PDE3A: variants seen among roughly 807,000 people sequenced by gnomAD.
The protein encoded by PDE3A is cGMP-inhibited 3',5'-cyclic phosphodiesterase 3A.
In PDE3A, 43 loss-of-function variants were observed where a neutral mutation model predicts 98.3. That is an observed-to-expected ratio of 0.44 (90% confidence interval 0.34 to 0.56). PDE3A has a LOEUF of 0.56. Among genes scored for constraint, PDE3A ranks in the 20% least tolerant of loss-of-function variants. PDE3A has a pLI of 0.01. For missense variants in PDE3A, 1,427 were observed against 1,440.7 expected (o/e 0.99, Z 0.15); for synonymous variants, 663 against 567.9 (o/e 1.17, Z -2.38).
chr12:20,445,710 CTGTGTTGTTTAT>C (rs1313750990), intron 1 of PDE3A, among the ~76,000 whole-genome samples: 1 of 152,140 alleles, frequency 6.6e-6, no homozygotes, highest in African/African-American at 2.4e-5. Flanking sequence ...GCCGCCCTCA[CTGTGTTGTTTAT>C]TGTTTCTTCC....
chr12:20,544,403 G>T lies in PDE3A; in HGVS notation c.961-12257G>T, dbSNP rs540478540. On this transcript the variant is annotated intron_variant, in intron 1 of 15. Transcript: ENST00000359062. ...TGATTAATTTATAGTACTTACGAAG[G>T]ATTTTCAGAGACATTACATTTTTCT... is the stretch of plus-strand genomic sequence containing the variant. Among the ~76,000 whole-genome samples the T allele has an allele frequency of 8.6e-5, 13 of 151,696 alleles. No individual in the cohort carries two copies. The South Asian group carries it at 2.7e-3, about 32-fold the overall frequency.
At chr12:20,466,080 A>G (rs1945336259) in intron 1 of PDE3A, among the ~76,000 whole-genome samples, 1 of 152,138 alleles carries the variant, frequency 6.6e-6, no homozygotes, top group Non-Finnish European at 1.5e-5. Flanking sequence ...GCACTCTTGA[A>G]AAGCATGTTC....
At chr12:20,440,926 G>GA (rs869105653) in intron 1 of PDE3A, among the ~76,000 whole-genome samples, 1 of 288 alleles carries the variant, frequency 3.5e-3, no homozygotes, top group African/African-American at 0.013. Context: ...AGTAAAAGGA[G>GA]GAGAAAACTA....
chr12:20,375,573 A>G (rs1485974087), intron 1 of PDE3A, among the ~76,000 whole-genome samples: 1 of 152,016 alleles, frequency 6.6e-6, no homozygotes, highest in Admixed American at 6.6e-5. Flanking sequence ...CTGTTTTAAA[A>G]GAAGATGCTA....
intron 1 of PDE3A, among the ~76,000 whole-genome samples, chr12:20,508,324 C>T (rs1335499711): frequency 6.6e-6 from 1 of 151,862 alleles, no homozygotes; most frequent in Non-Finnish European, 1.5e-5. Flanking sequence ...CTTTATGATA[C>T]TCTAAAGCAC....
At position 20,663,232 on chromosome 12, in the gene PDE3A, G is replaced by A. The variant is rs1480393123; in HGVS notation, c.3184+9027G>A. Among the ~76,000 whole-genome samples the A allele has an allele frequency of 3.9e-5, 6 of 152,366 alleles. No individual in the cohort carries two copies. In the East Asian group the frequency reaches 9.7e-4, roughly 25 times the overall value. On this transcript the variant is annotated intron_variant, in intron 15 of 15. Transcript: ENST00000359062. ...GTCCTGGCAGAAGTTTGCTACAGGG[G>A]TGGAGCCCTCATGGAGAACCTCTGC...
At chr12:20,431,627 A>ACACACG (rs1944700556) in intron 1 of PDE3A, among the ~76,000 whole-genome samples, 1 of 149,014 alleles carries the variant, frequency 6.7e-6, no homozygotes, top group Admixed American at 6.7e-5. Context: ...ACACACGCAC[A>ACACACG]CACACGCACG....
chr12:20,660,322 A>C (rs1392231392), intron 15 of PDE3A, among the ~76,000 whole-genome samples: 1 of 152,186 alleles, frequency 6.6e-6, no homozygotes, highest in Non-Finnish European at 1.5e-5. Context: ...TCTTTATAGC[A>C]GTGTGAAAAT....
Position 20,667,872 on chromosome 12 carries a change from C to T in PDE3A, c.3185-12158C>T, listed in dbSNP as rs905799394. Among the ~76,000 whole-genome samples the T allele has an allele frequency of 1.1e-4, 17 of 152,172 alleles. No homozygotes were observed. The East Asian group carries it at 1.4e-3, about 12-fold the overall frequency. On this transcript the variant is annotated intron_variant, in intron 15 of 15. Transcript: ENST00000359062. ...CAAGATGGCCGAACAGGAACAGCTC[C>T]GGTCTACAGCTCCCAGCGTGGTGGA...
chr12:20,552,368 T>C lies in PDE3A; in HGVS notation c.961-4292T>C. ...GGGTTTCTCGTGTGGCGCTACCTTC[T>C]GCGGAGGGACGATGATGAGCCCGGC... On this transcript the variant is annotated intron_variant, in intron 1 of 15. Transcript: ENST00000359062. The surrounding 1 kb of genome is among the most constrained non-coding windows in gnomAD (Gnocchi z 5.1). 2 of 1,613,358 alleles carry C rather than the reference T, an allele frequency of 1.2e-6. No individual in the cohort carries two copies. Among genetic ancestry groups the C allele is most frequent in the Non-Finnish European group, 1.7e-6 (2 of 1,179,776 alleles).
In PDE3A at chr12:20,368,988, A is replaced by T. The variant is rs1426789602; in HGVS notation, c.-297A>T. On this transcript the variant is annotated 5_prime_UTR_variant, in exon 1 of 16. Coordinates refer to ENST00000359062, the MANE Select transcript of PDE3A (RefSeq NM_000921.5). The stretch of plus-strand genomic sequence containing the variant: ...GGGTGGAGCAGAGAATCTGTGAAAG[A>T]TATTCAAAGAGAGAAAAGGGGAATC... Among the ~76,000 whole-genome samples the T allele has an allele frequency of 6.6e-6, 1 of 152,150 alleles. No individual in the cohort carries two copies. The highest frequency in any genetic ancestry group is 2.4e-5 in the African/African-American group (1 of 41,438).
In PDE3A at chr12:20,495,158, A is replaced by G. The variant is rs562349600; in HGVS notation, c.961-61502A>G. Among the ~76,000 whole-genome samples, 54 of 152,060 alleles carry G rather than the reference A, an allele frequency of 3.6e-4. 1 individual carries two copies. The highest frequency in any genetic ancestry group is 1.0e-3 in the African/African-American group (43 of 41,490). The stretch of plus-strand genomic sequence containing the variant: ...AGTCTGCCTGTTTGAAATGTGTTCA[A>G]TCAATGCCTGCTTGGAGTTCTGCTA... On this transcript the variant is annotated intron_variant, in intron 1 of 15. Coordinates refer to ENST00000359062, the MANE Select transcript of PDE3A (RefSeq NM_000921.5).
intron 2 of PDE3A, among the ~76,000 whole-genome samples, chr12:20,593,391 C>T (rs1229016329): frequency 6.6e-6 from 1 of 152,070 alleles, no homozygotes; most frequent in African/African-American, 2.4e-5. Flanking sequence ...TCCCTAACTT[C>T]GCGGAGCCCT....
intron 1 of PDE3A, among the ~76,000 whole-genome samples, chr12:20,494,019 C>T (rs1945873934): frequency 6.6e-6 from 1 of 152,216 alleles, no homozygotes; most frequent in Admixed American, 6.5e-5. Context: ...GGGATTCAGA[C>T]TATTTTCAGT....
At chr12:20,409,616 G>A (rs1944297619) in intron 1 of PDE3A, among the ~76,000 whole-genome samples, 1 of 152,098 alleles carries the variant, frequency 6.6e-6, no homozygotes, top group African/African-American at 2.4e-5. Context: ...ATTATAGTTG[G>A]ATATCATCAG....
At chr12:20,409,658 T>C (rs1053674704) in intron 1 of PDE3A, among the ~76,000 whole-genome samples, 1 of 152,126 alleles carries the variant, frequency 6.6e-6, no homozygotes, top group Non-Finnish European at 1.5e-5. Context: ...CTACCCCAGA[T>C]AATGATTTTT....
intron 1 of PDE3A, among the ~76,000 whole-genome samples, chr12:20,497,897 G>A (rs569464468): frequency 7.8e-4 from 118 of 152,232 alleles, no homozygotes; most frequent in Middle Eastern, 3.4e-3. Flanking sequence ...CTGCTGTGAT[G>A]ACTTTGTGAT....
intron 5 of PDE3A, among the ~76,000 whole-genome samples, chr12:20,622,763 T>C (rs1012742981): frequency 2.0e-5 from 3 of 151,232 alleles, no homozygotes; most frequent in African/African-American, 7.3e-5. Flanking sequence ...CTTAAAGGGG[T>C]GCTAAAGTGA....
At chr12:20,407,654 T>C (rs545493135) in intron 1 of PDE3A, among the ~76,000 whole-genome samples, 109 of 152,306 alleles carry the variant, frequency 7.2e-4, no homozygotes, top group African/African-American at 2.5e-3. Context: ...TTCCTTCCAA[T>C]ACAAAGATTT....
Sources: gnomAD v4.1 joint callset for allele counts (sites outside exome capture counted in the v4.1 genomes callset) on GRCh38, gnomAD v4.1.1 for gene constraint, Gnocchi (gnomAD v3.1) non-coding constraint, MANE v1.5 for transcripts, NCBI Gene and HGNC (gene_info 2026-07-23, HGNC 2026-07-21) for gene names.